HSD17B12: variants seen among roughly 807,000 people sequenced by gnomAD.
The protein encoded by HSD17B12 is very-long-chain 3-oxoacyl-CoA reductase.
In HSD17B12, 32 loss-of-function variants were observed where a neutral mutation model predicts 39.3. The observed-to-expected ratio is 0.81, with a 90% CI of 0.61 to 1.09. The LOEUF (loss-of-function observed/expected upper bound fraction) is 1.09. HSD17B12 is among the 50% of genes least tolerant of loss of function. The probability of loss-of-function intolerance (pLI) is 0.00; values close to 1 mark genes in which losing one functional copy is unlikely to be tolerated. For synonymous variants in HSD17B12, 150 were observed against 146.7 expected (o/e 1.02, Z -0.16); for missense variants, 342 against 382.9 (o/e 0.89, Z 0.89).
At chr11:43,708,685 G>A (rs1249854007) in intron 1 of HSD17B12, among the ~76,000 whole-genome samples, 1 of 152,192 alleles carries the variant, frequency 6.6e-6, no homozygotes, top group Admixed American at 6.5e-5. Context: ...GTTACTCTGT[G>A]CCTAAAATGG....
intron 1 of HSD17B12, chr11:43,734,353 A>C: frequency 2.1e-6 from 2 of 963,964 alleles, no homozygotes. Context: ...CTGTGGTGGA[A>C]AAGGCTGAGC....
the HSD17B12 span, among the ~76,000 whole-genome samples, chr11:43,613,075 C>T: frequency 6.6e-6 from 1 of 152,088 alleles, no homozygotes; most frequent in African/African-American, 2.4e-5. Flanking sequence ...AATTCCAGAT[C>T]AATGAGAAAG....
At chr11:43,671,162 A>G in the HSD17B12 span, among the ~76,000 whole-genome samples, 2 of 151,876 alleles carry the variant, frequency 1.3e-5, no homozygotes, top group Non-Finnish European at 2.9e-5. Flanking sequence ...ACATGGTTTT[A>G]TTTTATTTAT....
At chr11:43,740,258 G>C (rs1275073396) in intron 1 of HSD17B12, among the ~76,000 whole-genome samples, 1 of 152,148 alleles carries the variant, frequency 6.6e-6, no homozygotes, top group Non-Finnish European at 1.5e-5. Flanking sequence ...CTTGTGTTTG[G>C]GATGATAGCG....
At chr11:43,728,121 A>C (rs1950237571) in intron 1 of HSD17B12, among the ~76,000 whole-genome samples, 1 of 151,684 alleles carries the variant, frequency 6.6e-6, no homozygotes, top group South Asian at 2.1e-4. Flanking sequence ...GCTGGAGTGC[A>C]GTGGCACAAT....
At chr11:43,816,491 A>C in intron 6 of HSD17B12, 100 bp downstream of exon 6, 17 of 958,914 alleles carry the variant, frequency 1.8e-5, no homozygotes, top group Non-Finnish European at 2.3e-5. Flanking sequence ...TCTTGTTTAG[A>C]TGCAGATACA....
the HSD17B12 span, among the ~76,000 whole-genome samples, chr11:43,603,875 A>C: frequency 6.6e-6 from 1 of 152,192 alleles, no homozygotes; most frequent in Admixed American, 6.5e-5. Context: ...TGGTAGAGTT[A>C]TATCAGAATT....
the HSD17B12 span, among the ~76,000 whole-genome samples, chr11:43,571,318 CCT>C: frequency 1.3e-5 from 2 of 152,304 alleles, no homozygotes; most frequent in African/African-American, 4.8e-5. Context: ...CTTCCCAACC[CCT>C]GACACCTTTC....
intron 4 of HSD17B12, among the ~76,000 whole-genome samples, chr11:43,810,728 G>A (rs1384244743): frequency 1.3e-5 from 2 of 152,136 alleles, no homozygotes; most frequent in Admixed American, 1.3e-4. Context: ...GCACCCTACA[G>A]TGACTGGGAT....
chr11:43,801,913 C>A (rs564327450), intron 4 of HSD17B12, among the ~76,000 whole-genome samples: 1 of 152,108 alleles, frequency 6.6e-6, no homozygotes, highest in Non-Finnish European at 1.5e-5. Context: ...GTAACACAAG[C>A]CACAGTAATT....
chr11:43,601,591 C>G, the HSD17B12 span, among the ~76,000 whole-genome samples: 2 of 151,438 alleles, frequency 1.3e-5, no homozygotes, highest in African/African-American at 2.4e-5. Context: ...ACAGCTTAGG[C>G]TCAGTTCTCC....
intron 1 of HSD17B12, among the ~76,000 whole-genome samples, chr11:43,715,567 G>C (rs370927620): frequency 6.6e-6 from 1 of 152,174 alleles, no homozygotes; most frequent in Non-Finnish European, 1.5e-5. Flanking sequence ...GTTCATCTGA[G>C]ATATTGGTCT....
chr11:43,681,248 T>C (rs902881879), intron 1 of HSD17B12: 1 of 954,948 alleles, frequency 1.0e-6, no homozygotes, highest in Non-Finnish European at 1.4e-6. Context: ...AGGAGAAAAC[T>C]GCCTTAAGTC....
chr11:43,604,032 C>G, the HSD17B12 span, among the ~76,000 whole-genome samples: 1 of 151,962 alleles, frequency 6.6e-6, no homozygotes, highest in African/African-American at 2.4e-5. Flanking sequence ...TGAAATGGAG[C>G]TTTTGTGTTT....
the HSD17B12 span, among the ~76,000 whole-genome samples, chr11:43,558,065 G>A: frequency 6.6e-6 from 1 of 152,200 alleles, no homozygotes; most frequent in African/African-American, 2.4e-5. Flanking sequence ...AAGCGAGGTG[G>A]TTATCAACAA....
chr11:43,756,542 A>T (rs1428973943), intron 3 of HSD17B12, among the ~76,000 whole-genome samples: 6 of 152,178 alleles, frequency 3.9e-5, no homozygotes, highest in South Asian at 4.1e-4. Flanking sequence ...AAAGTGATTT[A>T]AAAAATGTTG....
intron 1 of HSD17B12, among the ~76,000 whole-genome samples, chr11:43,689,180 G>A (rs1809301914): frequency 6.6e-6 from 1 of 152,124 alleles, no homozygotes; most frequent in Admixed American, 6.5e-5. Context: ...AAAAAATTTG[G>A]TTATTTATAA....
At chr11:43,721,929 T>C (rs1399784953) in intron 1 of HSD17B12, among the ~76,000 whole-genome samples, 1 of 152,244 alleles carries the variant, frequency 6.6e-6, no homozygotes, top group Non-Finnish European at 1.5e-5. Flanking sequence ...GGAAGTAGGA[T>C]GTTGTAAAGG....
chr11:43,790,886 C>T (rs762886698), intron 3 of HSD17B12, among the ~76,000 whole-genome samples: 41 of 151,670 alleles, frequency 2.7e-4, no homozygotes, highest in Admixed American at 6.6e-4. Flanking sequence ...CCCAGCTACT[C>T]GGAAGGCTGA....
Sources: allele counts gnomAD v4.1 joint callset (sites outside exome capture counted in the v4.1 genomes callset), GRCh38; gene constraint gnomAD v4.1.1; transcripts MANE v1.5; gene names NCBI Gene and HGNC (gene_info 2026-07-23, HGNC 2026-07-21).